The following EHF variants were observed in gnomAD, a reference collection of about 807,000 sequenced individuals.
EHF encodes the protein ESE3 transcription factor.
Under a neutral mutation model 45.1 loss-of-function variants are expected in EHF, and 14 were observed. That is an observed-to-expected ratio of 0.31 (90% CI 0.21 to 0.49). EHF has a LOEUF of 0.49. Among genes scored for constraint, EHF ranks in the 20% least tolerant of loss-of-function variants. EHF has a pLI of 0.99. For synonymous variants in EHF, 136 were observed against 131.8 expected (o/e 1.03, Z -0.22); for missense variants, 282 against 371.4 (o/e 0.76, Z 1.98).
intron 1 of EHF, among the ~76,000 whole-genome samples, chr11:34,626,381 G>A (rs566966742): frequency 6.6e-6 from 1 of 152,118 alleles, no homozygotes; most frequent in Admixed American, 6.5e-5. Flanking sequence ...GTCATCTTGT[G>A]GAGGTTATTC....
chr11:34,625,637 C>A (rs1410106506), intron 1 of EHF, among the ~76,000 whole-genome samples: 1 of 152,226 alleles, frequency 6.6e-6, no homozygotes, highest in Non-Finnish European at 1.5e-5. Context: ...CAGGGCCAAG[C>A]AGGGTGGCCC....
At chr11:34,627,754 AT>A (rs1852502681) in intron 1 of EHF, among the ~76,000 whole-genome samples, 1 of 152,158 alleles carries the variant, frequency 6.6e-6, no homozygotes, top group African/African-American at 2.4e-5. Flanking sequence ...GTAAAAAAAA[AT>A]TGTCTTTATT....
intron 1 of EHF, among the ~76,000 whole-genome samples, chr11:34,630,739 G>T (rs922040772): frequency 3.3e-5 from 5 of 151,982 alleles, no homozygotes; most frequent in South Asian, 2.1e-4. Context: ...GCCCGATTTG[G>T]TTCTAAGCAC....
chr11:34,647,707 A>G (rs115114330), intron 3 of EHF, among the ~76,000 whole-genome samples: 2 of 152,180 alleles, frequency 1.3e-5, no homozygotes. Context: ...AGCCATCAAC[A>G]CTGAAGAGGA....
At position 34,646,653 on chromosome 11, in the gene EHF, C is replaced by T. The variant is rs1854574792; in HGVS notation, c.312C>T (p.Leu104=). The change falls in exon 3 of 9, where the codon CTC becomes CTT. Residue 104 remains leucine (L), a synonymous_variant. Coordinates refer to ENST00000257831, the MANE Select transcript of EHF (RefSeq NM_012153.6). ...TRAAGTAGQL[L]YSNLQHLKWN... Reference sequence around the variant, plus strand: ...CGGCAGGGACGGCGGGGCAGCTCCTCTACAGCAACTTGCAGCATCTGAAGT... The same window carrying T: ...CGGCAGGGACGGCGGGGCAGCTCCTTTACAGCAACTTGCAGCATCTGAAGT... 1 of 1,612,708 alleles carries T rather than the reference C, an allele frequency of 6.2e-7. No homozygotes were observed. The highest frequency in any genetic ancestry group is 1.1e-5 in the South Asian group (1 of 91,068).
intron 1 of EHF, among the ~76,000 whole-genome samples, chr11:34,631,223 G>A (rs893105682): frequency 1.3e-5 from 2 of 151,956 alleles, no homozygotes; most frequent in African/African-American, 4.8e-5. Context: ...GTAGAGACGG[G>A]GTTTCACCAT....
Position 34,642,651 on chromosome 11 carries a change from T to G in EHF, c.21T>G (p.Gly7=), listed in dbSNP as rs1590478159. 1 of 1,613,814 alleles carries G rather than the reference T, an allele frequency of 6.2e-7. No individual in the cohort carries two copies. The highest frequency in any genetic ancestry group is 8.5e-7 in the Non-Finnish European group (1 of 1,179,796). MILEGG[G]VMNLNPGNNL... ...AGATCATGATTCTGGAAGGAGGTGG[T>G]GTAATGAATCTCAACCCCGGCAACA... Residue 7 remains glycine, a synonymous_variant, in exon 2 of 9, where the codon GGT becomes GGG. Coordinates refer to ENST00000257831, the MANE Select transcript of EHF (RefSeq NM_012153.6).
intron 1 of EHF, among the ~76,000 whole-genome samples, chr11:34,626,477 A>G (rs1852388177): frequency 1.3e-5 from 2 of 152,356 alleles, no homozygotes; most frequent in South Asian, 4.1e-4. Flanking sequence ...AGAGTCTGAA[A>G]GATGAGAGCA....
intron 1 of EHF, among the ~76,000 whole-genome samples, chr11:34,638,264 T>A (rs1490877319): frequency 6.6e-6 from 1 of 152,210 alleles, no homozygotes; most frequent in African/African-American, 2.4e-5. Flanking sequence ...CAGTTTGTAA[T>A]AGCTCAGGTA....
rs1266732404 is a variant in EHF at position 34,658,897 on chromosome 11, A to C, written c.869A>C (p.Lys290Thr). The change falls in exon 9 of 9, where the codon AAG (lysine) becomes ACG (threonine). Residue 290 changes from lysine to threonine, a missense_variant. Coordinates refer to ENST00000257831, the MANE Select transcript of EHF (RefSeq NM_012153.6). Reference protein sequence around the residue: ...DGRRLVYKFGKNARGWRENEN With the variant: ...DGRRLVYKFGTNARGWRENEN Reference sequence around the variant, plus strand: ...CGAAGACTGGTATATAAATTTGGGAAGAATGCCCGAGGATGGAGAGAAAAT... The same window carrying C: ...CGAAGACTGGTATATAAATTTGGGACGAATGCCCGAGGATGGAGAGAAAAT... 1 of 1,613,424 alleles carries C rather than the reference A, an allele frequency of 6.2e-7. No homozygotes were observed. The highest frequency in any genetic ancestry group is 8.5e-7 in the Non-Finnish European group (1 of 1,179,668).
intron 1 of EHF, among the ~76,000 whole-genome samples, chr11:34,638,076 A>G (rs1250988882): frequency 2.0e-5 from 3 of 151,760 alleles, no homozygotes; most frequent in Non-Finnish European, 4.4e-5. Flanking sequence ...TAATTTTTGT[A>G]TTTTTAGTAG....
At chr11:34,634,934 T>C (rs1191140248) in intron 1 of EHF, among the ~76,000 whole-genome samples, 1 of 152,154 alleles carries the variant, frequency 6.6e-6, no homozygotes, top group Non-Finnish European at 1.5e-5. Context: ...CAAGACAATC[T>C]GAGTTTGAAT....
At chr11:34,626,431 T>A (rs10768084) in intron 1 of EHF, among the ~76,000 whole-genome samples, 70,862 of 152,064 alleles carry the variant, frequency 0.47, 17,447 homozygotes, top group Non-Finnish European at 0.54. Context: ...ATCTCCTCAG[T>A]AGGGCTGATG....
rs1348432158 is a variant in EHF at position 34,661,703 on chromosome 11, T to C, written c.*2772T>C. On this transcript the variant is annotated 3_prime_UTR_variant, in exon 9 of 9. Coordinates refer to ENST00000257831, the MANE Select transcript of EHF (RefSeq NM_012153.6). The stretch of plus-strand genomic sequence containing the variant: ...AACAGAGTACTTCCCACCACAGTGT[T>C]GAAAGGGAGAGCAAAGTCTTATGGA... 6.6e-6 allele frequency among the ~76,000 whole-genome samples: 1 copy of C among 152,162 alleles called. No individual in the cohort carries two copies. The highest frequency in any genetic ancestry group is 1.5e-5 in the Non-Finnish European group (1 of 68,002).
intron 6 of EHF, among the ~76,000 whole-genome samples, chr11:34,653,865 C>A (rs763730046): frequency 6.6e-6 from 1 of 152,158 alleles, no homozygotes; most frequent in East Asian, 1.9e-4. Flanking sequence ...CGAGGCCCAG[C>A]GTAAACTGAT....
chr11:34,640,547 C>T (rs1248677679), intron 1 of EHF, among the ~76,000 whole-genome samples: 2 of 152,196 alleles, frequency 1.3e-5, no homozygotes, highest in East Asian at 3.9e-4. Context: ...CCCTGGGCCC[C>T]CCTCCTTCCA....
chr11:34,651,482 C>A, intron 4 of EHF, 60 bp from the exon 5 acceptor site: 1 of 1,431,814 alleles, frequency 7.0e-7, no homozygotes, highest in South Asian at 1.2e-5. Context: ...TTAGAAAACG[C>A]AGCCTCTTCT....
chr11:34,643,821 C>G (rs1052022500), intron 2 of EHF, among the ~76,000 whole-genome samples: 16 of 152,162 alleles, frequency 1.1e-4, no homozygotes, highest in African/African-American at 3.6e-4. Flanking sequence ...TCCCCAGGAC[C>G]CTGGCCTCTC....
chr11:34,659,032 T>G lies in EHF; in HGVS notation c.*101T>G. 1.1e-6 allele frequency: 1 copy of G among 884,300 alleles called. No individual in the cohort carries two copies. Among genetic ancestry groups the G allele is most frequent in the Non-Finnish European group, 1.7e-6 (1 of 586,190 alleles). 54.8% of individuals were successfully genotyped at this position (884,300 alleles called of 1,614,324 possible). On this transcript the variant is annotated 3_prime_UTR_variant, in exon 9 of 9. Coordinates refer to ENST00000257831, the MANE Select transcript of EHF (RefSeq NM_012153.6). ...TTCAAAGACTACTTTTCTCTGATAT[T>G]TATGTACCATGAGGGGAACAAGAAA...
Sources: gnomAD v4.1 joint callset for allele counts (sites outside exome capture counted in the v4.1 genomes callset) on GRCh38, gnomAD v4.1.1 for gene constraint, MANE v1.5 for transcripts, NCBI Gene and HGNC (gene_info 2026-07-23, HGNC 2026-07-21) for gene names.